The following PMPCB variants were observed in gnomAD, a reference collection of about 807,000 sequenced individuals.
PMPCB encodes mitochondrial-processing peptidase subunit beta.
PMPCB carries 46 observed loss-of-function variants against 61.5 expected under a neutral mutation model. That is an observed-to-expected ratio of 0.75 (90% CI 0.59 to 0.96). The LOEUF (loss-of-function observed/expected upper bound fraction) is 0.96, where lower values mean the gene tolerates loss of function less well. Among genes scored for constraint, PMPCB ranks in the 40% least tolerant of loss-of-function variants. PMPCB has a pLI of 0.00. For synonymous variants in PMPCB, 191 were observed against 201.6 expected (o/e 0.95, Z 0.44); for missense variants, 590 against 602.4 (o/e 0.98, Z 0.22).
rs766273921 is a variant in PMPCB, at chr7:103,326,495, T to A, written c.*1432-2436T>A. On this transcript the variant is annotated intron_variant and NMD_transcript_variant, in intron 12 of 12. Transcript: ENST00000444457. ...AGAGCAGAAACCTGGAAGACTACAATAAACAAGCCAACAGGGCACTATGAT... is the reference window on the plus strand; with the variant it reads ...AGAGCAGAAACCTGGAAGACTACAAAAAACAAGCCAACAGGGCACTATGAT... 17 of 1,595,616 alleles carry A rather than the reference T, an allele frequency of 1.1e-5. No homozygotes were observed. The South Asian group carries it at 1.8e-4, about 17-fold the overall frequency.
At chr7:103,331,087 T>C (rs982355023), downstream of PMPCB, among the ~76,000 whole-genome samples, 12 of 151,748 alleles carry the variant, frequency 7.9e-5, no homozygotes, top group Admixed American at 1.3e-4. Context: ...CTCTGGAGTA[T>C]CTGGGATTAC....
At position 103,309,048 on chromosome 7, in the gene PMPCB, G is replaced by T; in HGVS notation, c.946G>T (p.Ala316Ser). ...TCCAGATACAATCTGTCTCATGGTT[G>T]CAAACACGCTGATTGGCAACTGGGA... ...AHPDTICLMVANTLIGNWDRS... is the reference protein window; with the variant it reads ...AHPDTICLMVSNTLIGNWDRS... Residue 316 changes from alanine (A) to serine (S), a missense_variant, in exon 8 of 13, where the codon GCA becomes TCA. Physicochemically the swap from Ala to Ser is moderately conservative, Grantham distance 99 (BLOSUM62 1). Transcript: ENST00000249269. 6.2e-7 allele frequency: 1 copy of T among 1,606,542 alleles called. No homozygotes were observed. Among genetic ancestry groups the T allele is most frequent in the African/African-American group, 1.3e-5 (1 of 74,562 alleles).
At chr7:103,316,508 C>G, downstream of PMPCB, 1 of 256,624 alleles carries the variant, frequency 3.9e-6, no homozygotes, top group Non-Finnish European at 7.3e-6. Context: ...AAACAAAGAG[C>G]AAGACTGTAA....
chr7:103,314,495 C>T lies in PMPCB; in HGVS notation c.*2224C>T. The T allele has an allele frequency of 1.0e-6, 1 of 985,368 alleles. No homozygotes were observed. Among genetic ancestry groups the T allele is most frequent in the South Asian group, 4.7e-5 (1 of 21,290 alleles). 61.0% of individuals were successfully genotyped at this position (985,368 alleles called of 1,614,324 possible). ...AAAGCAGACTGGACAAATATCAGGGCCCACCTCCCTCCAACATGGAAACAA... is the reference window on the plus strand; with the variant it reads ...AAAGCAGACTGGACAAATATCAGGGTCCACCTCCCTCCAACATGGAAACAA... On this transcript the variant is annotated 3_prime_UTR_variant, in exon 13 of 13. Coordinates refer to ENST00000249269, the MANE Select transcript of PMPCB (RefSeq NM_004279.3).
At chr7:103,309,128 G>C (rs779318048) in intron 8 of PMPCB, 33 bp downstream of exon 8, 25 of 1,523,016 alleles carry the variant, frequency 1.6e-5, no homozygotes, top group Non-Finnish European at 2.2e-5. Flanking sequence ...TTCCATAACA[G>C]ATGGAAGATT....
intron 3 of PMPCB, 132 bp from the exon 4 acceptor site, chr7:103,300,046 C>G: frequency 1.3e-6 from 1 of 762,294 alleles, no homozygotes; most frequent in South Asian, 1.8e-5. Context: ...TCGTACCATA[C>G]CTGATGTACT....
At position 103,310,343 on chromosome 7, in the gene PMPCB, C is replaced by G. The variant is rs780342063; in HGVS notation, c.1022C>G (p.Thr341Ser). 2 of 1,613,564 alleles carry G rather than the reference C, an allele frequency of 1.2e-6. No individual in the cohort carries two copies. The highest frequency in any genetic ancestry group is 1.7e-6 in the Non-Finnish European group (2 of 1,179,766). The change falls in exon 9 of 13, where the codon ACT becomes AGT. Residue 341 changes from threonine (T) to serine (S), a missense_variant. Transcript: ENST00000249269. ...TTATCTAGCAAGCTGGCCCAGCTCA[C>G]TTGTCATGGCAATCTTTGCCATAGC... ...MNLSSKLAQL[T>S]CHGNLCHSFQ...
chr7:103,317,319 C>G, downstream of PMPCB: 1 of 292,750 alleles, frequency 3.4e-6, no homozygotes, highest in Non-Finnish European at 6.3e-6. Flanking sequence ...TATTCATCCA[C>G]AAGGCCATTT....
chr7:103,316,082 T>C (rs1466935611), downstream of PMPCB: 1 of 1,568,188 alleles, frequency 6.4e-7, no homozygotes, highest in Middle Eastern at 1.8e-4. Flanking sequence ...TAGCAATAAC[T>C]TCCCATCTGA....
chr7:103,333,586 T>C (rs1013895996), downstream of PMPCB, among the ~76,000 whole-genome samples: 9 of 152,346 alleles, frequency 5.9e-5, 1 homozygote, highest in Admixed American at 5.9e-4. Context: ...TATACACTTA[T>C]GTAACTACTA....
chr7:103,323,062 T>C (rs982838213), intron 12 of PMPCB, among the ~76,000 whole-genome samples: 1 of 152,060 alleles, frequency 6.6e-6, no homozygotes, highest in African/African-American at 2.4e-5. Context: ...CCGGAGTAGC[T>C]GGAATTACAG....
exon 13 of PMPCB, chr7:103,328,966 T>G (rs1470334754): frequency 7.9e-7 from 1 of 1,267,946 alleles, no homozygotes; most frequent in African/African-American, 1.5e-5. Context: ...TGAATGGAAA[T>G]GGAACAAGTT....
Position 103,297,546 on chromosome 7 carries a change from C to A in PMPCB, c.87C>A (p.Gly29=). 1 of 1,609,800 alleles carries A rather than the reference C, an allele frequency of 6.2e-7. No homozygotes were observed. Among genetic ancestry groups the A allele is most frequent in the Non-Finnish European group, 8.5e-7 (1 of 1,177,480 alleles). ...WGFSESLLIR[G]AAGRSLYFGE... is the part of the protein sequence containing the mutation. ...TCAGCGAGAGTCTTCTAATCCGAGG[C>A]GCTGCGGGACGGGTGAGCTTCCCTC... Residue 29 remains glycine, a synonymous_variant, in exon 1 of 13, where the codon GGC becomes GGA. Coordinates refer to ENST00000249269, the MANE Select transcript of PMPCB (RefSeq NM_004279.3).
At position 103,300,346 on chromosome 7, in the gene PMPCB, A is replaced by C. The variant is rs77165270; in HGVS notation, c.457+39A>C. 455 of 1,489,222 alleles carry C rather than the reference A, an allele frequency of 3.1e-4. No homozygotes were observed. In the African/African-American group the frequency reaches 5.1e-3, roughly 17 times the overall value. 92.3% of individuals were successfully genotyped at this position (1,489,222 alleles called of 1,614,324 possible). A position where few individuals can be genotyped will look rare whatever the true frequency, so the allele number is the denominator to read the frequency against. On this transcript the variant is annotated intron_variant, in intron 4 of 12. Transcript: ENST00000249269. Reference sequence around the variant, plus strand: ...TTATACAGCAGATAATGTAATTTTCATGAGAATCAGGAATTATTTAGTACT... The same window carrying C: ...TTATACAGCAGATAATGTAATTTTCCTGAGAATCAGGAATTATTTAGTACT...
Position 103,304,443 on chromosome 7 carries a change from T to TA in PMPCB, c.691dup (p.Thr231AsnfsTer5). The TA allele has an allele frequency of 6.2e-7, 1 of 1,606,442 alleles. No homozygotes were observed. The highest frequency in any genetic ancestry group is 8.5e-7 in the Non-Finnish European group (1 of 1,172,934). On this transcript the variant is annotated frameshift_variant, in exon 6 of 13. Transcript: ENST00000249269. LOFTEE classifies it high-confidence loss of function. ...AGTCGTAAGGACTTAGTGGATTATA[T>TA]AACCACACATTATAAGGGGCCAAGA... is the stretch of plus-strand genomic sequence containing the variant.
downstream of PMPCB, chr7:103,315,640 A>G (rs970474389): frequency 6.7e-6 from 4 of 601,336 alleles, no homozygotes; most frequent in Non-Finnish European, 8.6e-6. Context: ...ATGTTTGCTT[A>G]CAGCTTCCAG....
chr7:103,307,244 A>AT (rs947584504), intron 6 of PMPCB, among the ~76,000 whole-genome samples: 17 of 150,918 alleles, frequency 1.1e-4, no homozygotes, highest in Non-Finnish European at 1.6e-4. Context: ...CCACTAAAAA[A>AT]TTTTTTTTTT....
chr7:103,344,761 G>T, the PMPCB span: 2 of 810,288 alleles, frequency 2.5e-6, no homozygotes, highest in Admixed American at 2.2e-5. Context: ...GCATGGAGAC[G>T]ACCAGTAAGC....
chr7:103,311,546 T>C (rs1817752340), intron 9 of PMPCB, 97 bp from the exon 10 acceptor site: 1 of 779,634 alleles, frequency 1.3e-6, no homozygotes, highest in East Asian at 2.6e-5. Flanking sequence ...TGTAATCACC[T>C]GTATGTTTTG....
Sources: gnomAD v4.1 joint callset for allele counts (sites outside exome capture counted in the v4.1 genomes callset) on GRCh38, gnomAD v4.1.1 for gene constraint, MANE v1.5 for transcripts, NCBI Gene and HGNC (gene_info 2026-07-23, HGNC 2026-07-21) for gene names.